Variants in CDH13 observed in about 807,000 individuals in gnomAD.
CDH13 encodes cadherin 13, also known as cadherin-13.
In CDH13, 24 loss-of-function variants were observed where a neutral mutation model predicts 63.8. That is an observed-to-expected ratio of 0.38 (90% CI 0.27 to 0.53). The LOEUF (loss-of-function observed/expected upper bound fraction) is 0.53. CDH13 is among the 20% of genes least tolerant of loss of function. CDH13 has a pLI of 0.85. For missense variants in CDH13, 1,049 were observed against 903.1 expected (o/e 1.16, Z -2.07); for synonymous variants, 503 against 355.3 (o/e 1.42, Z -4.67).
At chr16:83,050,769 T>C (rs990764344) in intron 3 of CDH13, among the ~76,000 whole-genome samples, 1 of 152,146 alleles carries the variant, frequency 6.6e-6, no homozygotes, top group Non-Finnish European at 1.5e-5. Context: ...ATACTGGGGT[T>C]AACTGTGTGA....
chr16:82,983,916 T>C (rs1399230397), intron 2 of CDH13, among the ~76,000 whole-genome samples: 1 of 152,194 alleles, frequency 6.6e-6, no homozygotes, highest in Non-Finnish European at 1.5e-5. Context: ...TAATTTCATG[T>C]AAAGAGGGCT....
At chr16:83,508,250 C>G (rs1053450942) in intron 7 of CDH13, 3 of 154,192 alleles carry the variant, frequency 1.9e-5, no homozygotes, top group Non-Finnish European at 4.4e-5. Context: ...TTTACTTCTC[C>G]TGTCCCCGGT....
chr16:83,159,802 C>T (rs904985938), intron 4 of CDH13, among the ~76,000 whole-genome samples: 4 of 152,114 alleles, frequency 2.6e-5, no homozygotes, highest in Non-Finnish European at 5.9e-5. Flanking sequence ...CACCTGGGCA[C>T]GGTGGGTCAT....
intron 6 of CDH13, among the ~76,000 whole-genome samples, chr16:83,477,790 T>C (rs1035387712): frequency 1.3e-5 from 2 of 152,180 alleles, no homozygotes; most frequent in Non-Finnish European, 2.9e-5. Context: ...AAGCTTGCCA[T>C]AACCTCTTTT....
At chr16:82,661,775 G>A (rs986758140) in intron 1 of CDH13, among the ~76,000 whole-genome samples, 2 of 152,202 alleles carry the variant, frequency 1.3e-5, no homozygotes, top group Non-Finnish European at 2.9e-5. Flanking sequence ...CTCAATTAGG[G>A]AATAAAGAGC....
At chr16:83,599,257 T>G (rs1348673374) in intron 7 of CDH13, among the ~76,000 whole-genome samples, 1 of 152,196 alleles carries the variant, frequency 6.6e-6, no homozygotes, top group Non-Finnish European at 1.5e-5. Flanking sequence ...TATGAGAACT[T>G]TATCTCCTTC....
At chr16:83,782,403 A>T (rs1026771358) in intron 12 of CDH13, among the ~76,000 whole-genome samples, 18 of 152,048 alleles carry the variant, frequency 1.2e-4, no homozygotes, top group African/African-American at 4.3e-4. Context: ...GCGGGTTCCC[A>T]CCCAAATGTA....
chr16:83,472,315 T>C (rs1256300595), intron 6 of CDH13, among the ~76,000 whole-genome samples: 1 of 152,208 alleles, frequency 6.6e-6, no homozygotes, highest in African/African-American at 2.4e-5. Flanking sequence ...AGTGGGGATT[T>C]ATGTTAGACG....
chr16:83,795,180 A>C lies in CDH13; in HGVS notation c.*150A>C. 1.6e-6 allele frequency: 1 copy of C among 632,970 alleles called. No homozygotes were observed. The highest frequency in any genetic ancestry group is 2.7e-6 in the Non-Finnish European group (1 of 366,072). The allele number at this position is 632,970 out of a possible 1,614,324, so 39.2% of individuals were successfully genotyped here. On this transcript the variant is annotated 3_prime_UTR_variant, in exon 14 of 14. Transcript: ENST00000567109. ...GGTTTTTTATTTTCTTTACAATTTC[A>C]CTTAGTCTGTACTTCATCATTTTGA...
intron 8 of CDH13, among the ~76,000 whole-genome samples, chr16:83,615,033 T>C (rs1231481167): frequency 6.6e-6 from 1 of 152,218 alleles, no homozygotes; most frequent in Non-Finnish European, 1.5e-5. Flanking sequence ...CCCTTAACTC[T>C]TTGGGATCTT....
chr16:82,706,221 C>A (rs2031479105), intron 1 of CDH13, among the ~76,000 whole-genome samples: 1 of 152,110 alleles, frequency 6.6e-6, no homozygotes, highest in African/African-American at 2.4e-5. Context: ...ATATACCAGG[C>A]ACGATGCAAG....
chr16:83,042,207 A>C (rs1444348515), intron 3 of CDH13, among the ~76,000 whole-genome samples: 2 of 152,200 alleles, frequency 1.3e-5, no homozygotes, highest in Non-Finnish European at 2.9e-5. Flanking sequence ...CCTGTTAGAA[A>C]CCGGGCTGCA....
At chr16:82,677,255 G>A (rs941654491) in intron 1 of CDH13, among the ~76,000 whole-genome samples, 2 of 152,150 alleles carry the variant, frequency 1.3e-5, no homozygotes, top group African/African-American at 4.8e-5. Context: ...TGTATTTCAG[G>A]TCTATTGCCA....
intron 2 of CDH13, among the ~76,000 whole-genome samples, chr16:82,880,882 C>T (rs553873426): frequency 6.6e-6 from 1 of 152,234 alleles, no homozygotes; most frequent in African/African-American, 2.4e-5. Context: ...CTCAGTGTTA[C>T]CATTTGTAAA....
intron 11 of CDH13, among the ~76,000 whole-genome samples, chr16:83,763,561 C>G (rs1430721244): frequency 6.6e-6 from 1 of 152,044 alleles, no homozygotes. Context: ...CTCAACCAAG[C>G]TCTAGACTGC....
chr16:83,716,455 A>G (rs558629731), intron 10 of CDH13, among the ~76,000 whole-genome samples: 15 of 152,118 alleles, frequency 9.9e-5, no homozygotes, highest in Non-Finnish European at 2.2e-4. Flanking sequence ...CTTGCCAGTC[A>G]TTAATCCCCA....
chr16:83,285,854 G>GA (rs1009456439), intron 5 of CDH13, among the ~76,000 whole-genome samples: 30 of 151,976 alleles, frequency 2.0e-4, no homozygotes, highest in African/African-American at 6.5e-4. Context: ...AATTATAGAG[G>GA]AAAAAAAATA....
intron 6 of CDH13, among the ~76,000 whole-genome samples, chr16:83,444,926 C>G (rs1187476670): frequency 1.3e-5 from 1 of 74,820 alleles, no homozygotes; most frequent in African/African-American, 5.4e-5. Context: ...CAAAATGCCT[C>G]TGTTCCCACG....
chr16:83,015,657 A>G (rs201360369), intron 2 of CDH13, among the ~76,000 whole-genome samples: 4 of 82,076 alleles, frequency 4.9e-5, no homozygotes, highest in Admixed American at 1.7e-4. Context: ...TGCAGCATAT[A>G]TGTGTGTGTG....
Sources: gnomAD v4.1 joint callset for allele counts (sites outside exome capture counted in the v4.1 genomes callset) on GRCh38, gnomAD v4.1.1 for gene constraint, MANE v1.5 for transcripts, NCBI Gene and HGNC (gene_info 2026-07-23, HGNC 2026-07-21) for gene names.